RBFOX1: variants seen among roughly 807,000 people sequenced by gnomAD.
RBFOX1 encodes RNA binding protein fox-1 homolog 1.
RBFOX1 carries 8 observed loss-of-function variants against 57.7 expected under a neutral mutation model. That is an observed-to-expected ratio of 0.14 (90% CI 0.08 to 0.25). The LOEUF (loss-of-function observed/expected upper bound fraction) is 0.25. RBFOX1 is among the 10% of genes least tolerant of loss of function. RBFOX1 has a pLI of 1.00. For missense variants in RBFOX1, 611 were observed against 548.5 expected, an observed-to-expected ratio of 1.11 and a Z score of -1.14; for synonymous variants, 326 against 222.4, an observed-to-expected ratio of 1.47 and a Z score of -4.15.
chr16:7,630,814 A>C, intron 11 of RBFOX1, 131 bp downstream of exon 11: 2 of 1,465,828 alleles, frequency 1.4e-6, no homozygotes, highest in Non-Finnish European at 1.8e-6. Flanking sequence ...GGTGAAGTTA[A>C]TTTTCATAAG....
intron 1 of RBFOX1, among the ~76,000 whole-genome samples, chr16:5,304,620 A>G (rs1012322298): frequency 6.6e-6 from 1 of 152,218 alleles, no homozygotes; most frequent in Non-Finnish European, 1.5e-5. Context: ...ATACTCTTCT[A>G]TCCTGGGGAC....
upstream of RBFOX1, among the ~76,000 whole-genome samples, chr16:6,017,148 A>T (rs1197515746): frequency 6.6e-6 from 1 of 152,210 alleles, no homozygotes; most frequent in Admixed American, 6.5e-5. Flanking sequence ...GGGCCCAGCA[A>T]TTACCCATTT....
At chr16:5,938,873 T>C (rs1016649485) in intron 4 of RBFOX1, among the ~76,000 whole-genome samples, 2 of 152,144 alleles carry the variant, frequency 1.3e-5, no homozygotes, top group Admixed American at 6.5e-5. Flanking sequence ...AAATAAATGG[T>C]TATTGTTTTA....
chr16:7,393,811 G>A (rs745983551), intron 4 of RBFOX1, among the ~76,000 whole-genome samples: 8 of 152,174 alleles, frequency 5.3e-5, no homozygotes, highest in Non-Finnish European at 8.8e-5. Context: ...CTCTGGCTAA[G>A]GTGAATCATG....
At position 7,435,398 on chromosome 16, in the gene RBFOX1, G is replaced by A. The variant is rs569765916; in HGVS notation, c.28-82749G>A. On this transcript the variant is annotated intron_variant, in intron 4 of 15. Transcript: ENST00000550418. ...TGTCAGTGGTACATATTATGAAAAT[G>A]ACTTATCGCTGTTGATGTTCACCTT... Among the ~76,000 whole-genome samples the A allele has an allele frequency of 1.2e-4, 19 of 152,156 alleles. 1 individual carries two copies. Among genetic ancestry groups the A allele is most frequent in the African/African-American group, 4.6e-4 (19 of 41,516 alleles).
At chr16:7,061,924 C>T (rs2054416453) in intron 4 of RBFOX1, among the ~76,000 whole-genome samples, 1 of 152,042 alleles carries the variant, frequency 6.6e-6, no homozygotes, top group Admixed American at 6.5e-5. Context: ...TAGTTCCCTC[C>T]AGTTGGGGGT....
At chr16:6,561,242 G>A (rs1035479128) in intron 2 of RBFOX1, among the ~76,000 whole-genome samples, 10 of 152,120 alleles carry the variant, frequency 6.6e-5, no homozygotes, top group African/African-American at 1.7e-4. Flanking sequence ...AAAGATTCAC[G>A]GGGGCAGGGG....
chr16:7,459,580 G>C (rs1287520045), intron 4 of RBFOX1, among the ~76,000 whole-genome samples: 1 of 152,184 alleles, frequency 6.6e-6, no homozygotes, highest in African/African-American at 2.4e-5. Context: ...AAAAGTTACA[G>C]ATATTGCAGC....
chr16:5,786,135 A>T (rs926240937), intron 3 of RBFOX1, among the ~76,000 whole-genome samples: 1 of 152,036 alleles, frequency 6.6e-6, no homozygotes, highest in Non-Finnish European at 1.5e-5. Flanking sequence ...CTTTGCTTAT[A>T]TTGCTCCACC....
intron 4 of RBFOX1, among the ~76,000 whole-genome samples, chr16:7,370,300 A>G (rs1023136849): frequency 6.6e-6 from 1 of 152,178 alleles, no homozygotes; most frequent in African/African-American, 2.4e-5. Context: ...AAATACTAAG[A>G]AGCAGACATG....
rs199690584 is a variant in RBFOX1 at position 6,060,122 on chromosome 16, G to GTTTTTTTTTTTTTTTTTTTTTTTTT, written c.-127+40142_-127+40166dup. ...ATTTGGCCCTAAAATTAGGATTAGGGTTTTTTTTTTTTTTTTTTTTTTTTT... is the reference window on the plus strand; with the variant it reads ...ATTTGGCCCTAAAATTAGGATTAGGGTTTTTTTTTTTTTTTTTTTTTTTTTTTTTTTTTTTTTTTTTTTTTTTTTT... On this transcript the variant is annotated intron_variant, in intron 1 of 15. Coordinates refer to ENST00000550418, the MANE Select transcript of RBFOX1 (RefSeq NM_018723.4). Among the ~76,000 whole-genome samples the GTTTTTTTTTTTTTTTTTTTTTTTTT allele has an allele frequency of 3.1e-4, 35 of 114,196 alleles. 2 individuals carry two copies. Among genetic ancestry groups the GTTTTTTTTTTTTTTTTTTTTTTTTT allele is most frequent in the Middle Eastern group, 4.9e-3 (1 of 204 alleles). 74.9% of individuals were successfully genotyped at this position (114,196 alleles called of 152,430 possible).
chr16:7,577,138 G>C (rs1047356440), intron 5 of RBFOX1, among the ~76,000 whole-genome samples: 10 of 152,180 alleles, frequency 6.6e-5, no homozygotes, highest in African/African-American at 2.4e-4. Flanking sequence ...TTGTTTATTC[G>C]TGTACTAATA....
chr16:7,428,489 G>A (rs1386766198), intron 4 of RBFOX1, among the ~76,000 whole-genome samples: 1 of 126,522 alleles, frequency 7.9e-6, no homozygotes, highest in African/African-American at 2.9e-5. Context: ...ACCACTCCTG[G>A]CTATTTTATT....
chr16:6,888,877 C>A (rs1042999026), intron 3 of RBFOX1, among the ~76,000 whole-genome samples: 2 of 152,074 alleles, frequency 1.3e-5, no homozygotes, highest in Non-Finnish European at 2.9e-5. Flanking sequence ...CCCCTCCTCC[C>A]CAAAAAAGAA....
rs185261127 is a variant in RBFOX1 at position 6,442,872 on chromosome 16, G to C, written c.-64+125815G>C. On this transcript the variant is annotated intron_variant, in intron 2 of 15. Coordinates refer to ENST00000550418, the MANE Select transcript of RBFOX1 (RefSeq NM_018723.4). The stretch of plus-strand genomic sequence containing the variant: ...ATGAAAACCTTGGAATATGATATCA[G>C]TTTGGTGCAAAAATGATTGTGTGTT... 2.0e-5 allele frequency among the ~76,000 whole-genome samples: 3 copies of C among 152,300 alleles called. No homozygotes were observed. The East Asian group carries it at 5.8e-4, about 29-fold the overall frequency.
chr16:7,652,287 A>C (rs1326677687), intron 11 of RBFOX1, among the ~76,000 whole-genome samples: 1 of 152,200 alleles, frequency 6.6e-6, no homozygotes, highest in East Asian at 1.9e-4. Context: ...TCCCAGATAG[A>C]GGAAACAGCA....
intron 4 of RBFOX1, among the ~76,000 whole-genome samples, chr16:7,462,985 G>A (rs1006564149): frequency 3.3e-5 from 5 of 152,156 alleles, no homozygotes; most frequent in Admixed American, 3.3e-4. Context: ...CATCTGCAAA[G>A]TCCTTGTCTT....
At chr16:6,290,602 C>A (rs929972689) in intron 1 of RBFOX1, among the ~76,000 whole-genome samples, 1 of 151,002 alleles carries the variant, frequency 6.6e-6, no homozygotes, top group Non-Finnish European at 1.5e-5. Flanking sequence ...GACAACATAG[C>A]GGTCATCCTA....
intron 3 of RBFOX1, among the ~76,000 whole-genome samples, chr16:6,791,053 G>A (rs1948143480): frequency 1.3e-5 from 2 of 152,054 alleles, no homozygotes; most frequent in South Asian, 4.2e-4. Context: ...CCACAGGCAT[G>A]CCACCACAAT....
Sources: allele counts gnomAD v4.1 joint callset (sites outside exome capture counted in the v4.1 genomes callset), GRCh38; gene constraint gnomAD v4.1.1; transcripts MANE v1.5; gene names NCBI Gene and HGNC (gene_info 2026-07-23, HGNC 2026-07-21).